SYNPO2: variants seen among roughly 807,000 people sequenced by gnomAD.
SYNPO2 encodes synaptopodin 2.
SYNPO2 carries 56 observed loss-of-function variants against 85.0 expected under a neutral mutation model. That is an observed-to-expected ratio of 0.66 (90% confidence interval 0.53 to 0.82). SYNPO2 has a LOEUF of 0.82. Among genes scored for constraint, SYNPO2 ranks in the 40% least tolerant of loss-of-function variants. The pLI, the probability that SYNPO2 is intolerant of heterozygous loss-of-function variation, is 0.00. For missense variants in SYNPO2, 1,575 were observed against 1,534.2 expected (o/e 1.03, Z -0.44); for synonymous variants, 602 against 591.1 (o/e 1.02, Z -0.27).
intron 1 of SYNPO2, among the ~76,000 whole-genome samples, chr4:118,939,615 G>A (rs1215241964): frequency 2.0e-5 from 3 of 152,148 alleles, no homozygotes; most frequent in Admixed American, 1.3e-4. Context: ...TGTGTGTGGC[G>A]CTCCTATTAT....
rs1012815908 is a variant in SYNPO2 at position 118,879,893 on chromosome 4, C to T, written c.12+28953C>T. Among the ~76,000 whole-genome samples the T allele has an allele frequency of 9.2e-5, 14 of 152,220 alleles. No individual in the cohort carries two copies. In the South Asian group the frequency reaches 1.0e-3, roughly 11 times the overall value. On this transcript the variant is annotated intron_variant, in intron 1 of 4. Transcript: ENST00000610556. ...CCTCCGAGACCCTGCAACCGTTTGCCTCTGAGGCCTGTTGCCTGTCAGCAG... is the reference window on the plus strand; with the variant it reads ...CCTCCGAGACCCTGCAACCGTTTGCTTCTGAGGCCTGTTGCCTGTCAGCAG...
intron 1 of SYNPO2, among the ~76,000 whole-genome samples, chr4:119,015,120 T>C (rs1014383104): frequency 6.6e-6 from 1 of 152,212 alleles, no homozygotes; most frequent in Non-Finnish European, 1.5e-5. Context: ...GTATTATAGT[T>C]TGACAAAGTA....
intron 1 of SYNPO2, among the ~76,000 whole-genome samples, chr4:118,990,645 G>A (rs1216913589): frequency 6.6e-6 from 1 of 151,994 alleles, no homozygotes; most frequent in African/African-American, 2.4e-5. Context: ...ATCTCGCTCG[G>A]TCGCCCAGGC....
At chr4:118,996,117 C>T (rs914200126) in intron 1 of SYNPO2, among the ~76,000 whole-genome samples, 4 of 152,230 alleles carry the variant, frequency 2.6e-5, no homozygotes, top group Admixed American at 2.6e-4. Context: ...AGCCTCATCT[C>T]TCTCATGACT....
intron 4 of SYNPO2, chr4:119,033,452 C>T (rs975936607): frequency 4.2e-5 from 41 of 985,362 alleles, no homozygotes; most frequent in Non-Finnish European, 4.9e-5. Context: ...ACCTGAAGAC[C>T]TTTCTCAGAT....
chr4:118,879,097 C>G (rs566804905), intron 1 of SYNPO2, among the ~76,000 whole-genome samples: 5 of 152,266 alleles, frequency 3.3e-5, no homozygotes, highest in Middle Eastern at 3.4e-3. Flanking sequence ...CACTTCACTC[C>G]TGAAGTGAAC....
chr4:118,909,849 T>A (rs1289867444), intron 1 of SYNPO2, among the ~76,000 whole-genome samples: 3 of 152,220 alleles, frequency 2.0e-5, no homozygotes, highest in African/African-American at 4.8e-5. Context: ...TGACAGAAGT[T>A]GGTATCCACA....
chr4:119,005,067 TG>T (rs999917080), intron 1 of SYNPO2, among the ~76,000 whole-genome samples: 23 of 152,284 alleles, frequency 1.5e-4, no homozygotes, highest in African/African-American at 5.5e-4. Context: ...CACTTGTTGA[TG>T]GGGTTGTTTG....
At chr4:118,977,392 A>G (rs1735827578) in intron 1 of SYNPO2, among the ~76,000 whole-genome samples, 1 of 152,172 alleles carries the variant, frequency 6.6e-6, no homozygotes. Flanking sequence ...GCTGGCCCGC[A>G]AGCGCGGCAC....
intron 1 of SYNPO2, among the ~76,000 whole-genome samples, chr4:118,930,409 C>G (rs1733883499): frequency 6.6e-6 from 1 of 152,100 alleles, no homozygotes; most frequent in Non-Finnish European, 1.5e-5. Flanking sequence ...GTGCATACTT[C>G]TGTATAGCAT....
intron 1 of SYNPO2, among the ~76,000 whole-genome samples, chr4:118,894,926 T>C (rs1259793590): frequency 6.6e-6 from 1 of 152,108 alleles, no homozygotes; most frequent in African/African-American, 2.4e-5. Flanking sequence ...CCTAGAAATA[T>C]TAGTTTCAAC....
At chr4:119,013,798 A>G (rs1737420106) in intron 1 of SYNPO2, among the ~76,000 whole-genome samples, 1 of 152,216 alleles carries the variant, frequency 6.6e-6, no homozygotes, top group Admixed American at 6.5e-5. Flanking sequence ...GATCAACCCA[A>G]ATGTAACAAA....
Position 119,031,333 on chromosome 4 carries a change from C to G in SYNPO2, c.2558C>G (p.Ala853Gly), listed in dbSNP as rs751078933. The G allele has an allele frequency of 6.2e-7, 1 of 1,614,078 alleles. No homozygotes were observed. Among genetic ancestry groups the G allele is most frequent in the Non-Finnish European group, 8.5e-7 (1 of 1,180,054 alleles). The change falls in exon 4 of 5, where the codon GCT (alanine) becomes GGT (glycine). Residue 853 changes from alanine (A) to glycine (G), a missense_variant. Ala to Gly is a moderately conservative substitution (Grantham distance 60). This residue lies in a region of SYNPO2 where 1,508 missense variants were observed against 1,446.8 expected (regional missense o/e 1.04). Transcript: ENST00000307142. Reference protein sequence around the residue: ...KPTVSTPTVNAVQPGAVGPSN... With the variant: ...KPTVSTPTVNGVQPGAVGPSN... ...ACAGTTTCCACACCAACAGTCAATG[C>G]TGTTCAGCCTGGTGCAGTGGGACCA...
chr4:118,885,469 C>CTTT (rs200816127), upstream of SYNPO2, among the ~76,000 whole-genome samples: 335 of 140,924 alleles, frequency 2.4e-3, 1 homozygote, highest in South Asian at 5.7e-3. Context: ...ATCCATAGGT[C>CTTT]TTTTTTTTTT....
Position 119,030,697 on chromosome 4 carries a change from C to T in SYNPO2, c.1922C>T (p.Ala641Val). 6.2e-7 allele frequency: 1 copy of T among 1,614,178 alleles called. No individual in the cohort carries two copies. Among genetic ancestry groups the T allele is most frequent in the Non-Finnish European group, 8.5e-7 (1 of 1,180,030 alleles). The stretch of plus-strand genomic sequence containing the variant: ...TCCAGAGGGGTTTCAAGTCCGATTG[C>T]TGGCCCAGCACAGCCCCCTCCATGG... ...AFSRGVSSPI[A>V]GPAQPPPWPQ... Residue 641 changes from alanine to valine, a missense_variant, in exon 4 of 5, where the codon GCT (alanine) becomes GTT (valine). Transcript: ENST00000307142.
chr4:118,952,375 A>T (rs572509814), intron 1 of SYNPO2, among the ~76,000 whole-genome samples: 3 of 151,974 alleles, frequency 2.0e-5, no homozygotes, highest in South Asian at 2.1e-4. Flanking sequence ...AACTTTTTTT[A>T]AAATTTTATT....
chr4:118,862,340 T>C (rs189039699), intron 1 of SYNPO2, among the ~76,000 whole-genome samples: 3 of 152,250 alleles, frequency 2.0e-5, no homozygotes, highest in Non-Finnish European at 4.4e-5. Flanking sequence ...CTGATTGCTC[T>C]AGCTAGGACT....
chr4:118,882,221 A>ATT (rs1732117871), intron 1 of SYNPO2, among the ~76,000 whole-genome samples: 1 of 152,182 alleles, frequency 6.6e-6, no homozygotes, highest in Admixed American at 6.5e-5. Context: ...AAAGCTCCAA[A>ATT]TTTTAACACT....
chr4:118,859,917 C>G (rs1490083866), intron 1 of SYNPO2, among the ~76,000 whole-genome samples: 1 of 151,916 alleles, frequency 6.6e-6, no homozygotes, highest in Non-Finnish European at 1.5e-5. Context: ...GATTTCCTTT[C>G]TTTTGGATGT....
Sources: gnomAD v4.1 joint callset for allele counts (sites outside exome capture counted in the v4.1 genomes callset) on GRCh38, gnomAD v4.1.1 for gene constraint, gnomAD v4.1.1 regional missense constraint, MANE v1.5 for transcripts, NCBI Gene and HGNC (gene_info 2026-07-23, HGNC 2026-07-21) for gene names.